RAB11FIP2: variants seen among roughly 807,000 people sequenced by gnomAD.
The protein encoded by RAB11FIP2 is rab11 family-interacting protein 2.
Under a neutral mutation model 40.9 loss-of-function variants are expected in RAB11FIP2, and 16 were observed. The ratio of observed to expected loss-of-function variants is 0.39; its 90% CI spans 0.26 to 0.59. RAB11FIP2 has a LOEUF of 0.59. RAB11FIP2 is among the 20% of genes least tolerant of loss of function. The pLI is 0.53. For missense variants in RAB11FIP2, 532 were observed against 606.2 expected (o/e 0.88, Z 1.28); for synonymous variants, 228 against 213.7 (o/e 1.07, Z -0.58).
At chr10:118,036,446 A>C (rs1356538267) in intron 3 of RAB11FIP2, among the ~76,000 whole-genome samples, 1 of 152,172 alleles carries the variant, frequency 6.6e-6, no homozygotes, top group Non-Finnish European at 1.5e-5. Context: ...GAGGGTTGAT[A>C]CTGGGAGGAA....
At chr10:118,027,654 A>G (rs1190741843) in intron 3 of RAB11FIP2, among the ~76,000 whole-genome samples, 4 of 152,188 alleles carry the variant, frequency 2.6e-5, no homozygotes, top group Admixed American at 2.6e-4. Context: ...AGCAGCAAAC[A>G]TACTTCCTCA....
intron 3 of RAB11FIP2, among the ~76,000 whole-genome samples, chr10:118,036,154 C>T (rs1159312314): frequency 2.6e-5 from 4 of 152,026 alleles, no homozygotes; most frequent in Admixed American, 6.6e-5. Flanking sequence ...ATACATTATT[C>T]AACCAGAGGG....
chr10:118,007,471 A>G lies in RAB11FIP2; in HGVS notation c.*1527T>C, dbSNP rs1002873286. 3 of 151,698 alleles carry G rather than the reference A, an allele frequency of 2.0e-5. No homozygotes were observed. The highest frequency in any genetic ancestry group is 2.9e-5 in the Non-Finnish European group (2 of 67,872). The allele number at this position is 151,698 out of a possible 1,614,324, so 9.4% of individuals were successfully genotyped here. ...GCAAAAAAAAAAAACCCAAACTATT[A>G]TATCGGCTTTTTGTTTAACTTTCAA... On this transcript the variant is annotated 3_prime_UTR_variant, in exon 5 of 5. Coordinates refer to ENST00000355624, the MANE Select transcript of RAB11FIP2 (RefSeq NM_014904.3).
At position 118,012,498 on chromosome 10, in the gene RAB11FIP2, T is replaced by A. The variant is rs184013114; in HGVS notation, c.1311+2567A>T. Among the ~76,000 whole-genome samples the A allele has an allele frequency of 9.4e-3, 1,424 of 151,524 alleles. 9 individuals carry two copies. The highest frequency in any genetic ancestry group is 0.017 in the Middle Eastern group (5 of 294). ...AATGTAAACCTTCTAATTTTAGGCA[T>A]GAGATTCTTAAATTGACTGATATAC... is the stretch of plus-strand genomic sequence containing the variant. On this transcript the variant is annotated intron_variant, in intron 4 of 4. Coordinates refer to ENST00000355624, the MANE Select transcript of RAB11FIP2 (RefSeq NM_014904.3).
rs139360341 is a variant in RAB11FIP2, at chr10:118,038,980, T to C, written c.1257A>G (p.Pro419=). The change falls in exon 3 of 5, where the codon CCA becomes CCG. Residue 419 remains proline, a synonymous_variant. Transcript: ENST00000355624. The part of the protein sequence containing the change: ...TAKFRASNIM[P]SSSFHMSPTS... ...CCCCATATTAAGCTTACCTTGAAGA[T>C]GGCATTATATTTGAAGCCCTGAATT... 2.4e-5 allele frequency: 38 copies of C among 1,585,908 alleles called. No homozygotes were observed. Among genetic ancestry groups the C allele is most frequent in the African/African-American group, 5.4e-5 (4 of 73,668 alleles).
At position 118,040,402 on chromosome 10, in the gene RAB11FIP2, C is replaced by G; in HGVS notation, c.517G>C (p.Gly173Arg). Reference protein sequence around the residue: ...PFAKLKDKMKGRKNDGTFSDT... With the variant: ...PFAKLKDKMKRRKNDGTFSDT... ...GAAAATGTTCCATCATTTTTTCTAC[C>G]CTTCATCTTATCTTTTAACTTTGCA... Residue 173 changes from glycine (G) to arginine (R), a missense_variant, in exon 2 of 5, where the codon GGT (glycine) becomes CGT (arginine). Transcript: ENST00000355624. 6.2e-7 allele frequency: 1 copy of G among 1,613,718 alleles called. No homozygotes were observed. The highest frequency in any genetic ancestry group is 8.5e-7 in the Non-Finnish European group (1 of 1,179,782).
intron 4 of RAB11FIP2, among the ~76,000 whole-genome samples, chr10:118,014,857 C>A (rs1472256379): frequency 6.6e-6 from 1 of 152,122 alleles, no homozygotes; most frequent in East Asian, 1.9e-4. Context: ...CTTGAACTTT[C>A]ATAGATCATA....
intron 3 of RAB11FIP2, among the ~76,000 whole-genome samples, chr10:118,016,161 T>C (rs180917417): frequency 7.9e-5 from 12 of 152,328 alleles, no homozygotes; most frequent in Admixed American, 3.3e-4. Context: ...GAGTTTCCCA[T>C]GTAACCAAGA....
At chr10:118,044,843 C>T (rs1846606317) in intron 1 of RAB11FIP2, among the ~76,000 whole-genome samples, 1 of 152,092 alleles carries the variant, frequency 6.6e-6, no homozygotes, top group Admixed American at 6.5e-5. Context: ...AACACCAACA[C>T]TATTTTGGAA....
chr10:118,017,004 T>C (rs1846228067), intron 3 of RAB11FIP2, among the ~76,000 whole-genome samples: 2 of 152,230 alleles, frequency 1.3e-5, no homozygotes, highest in Non-Finnish European at 2.9e-5. Context: ...TGCCAGATGC[T>C]ATTCTAAGCA....
At chr10:118,012,165 C>T (rs987227404) in intron 4 of RAB11FIP2, among the ~76,000 whole-genome samples, 6 of 151,764 alleles carry the variant, frequency 4.0e-5, no homozygotes, top group African/African-American at 1.4e-4. Context: ...TTATTTCAGA[C>T]TACTGGTCAT....
intron 3 of RAB11FIP2, among the ~76,000 whole-genome samples, chr10:118,035,357 T>C (rs750354463): frequency 6.6e-6 from 1 of 152,182 alleles, no homozygotes; most frequent in Non-Finnish European, 1.5e-5. Context: ...AGATTGAATA[T>C]TAAATTTTAG....
chr10:118,045,809 A>T lies in RAB11FIP2; in HGVS notation c.353+2T>A. On this transcript the variant is annotated splice_donor_variant, in intron 1 of 4. Coordinates refer to ENST00000355624, the MANE Select transcript of RAB11FIP2 (RefSeq NM_014904.3). LOFTEE classifies it high-confidence loss of function. ...AAATTCAAAATAAATTACATAACTT[A>T]CTCTGTTTTCCTTCTTTGTTTGTCC... 1 of 1,582,552 alleles carries T rather than the reference A, an allele frequency of 6.3e-7. No homozygotes were observed. The highest frequency in any genetic ancestry group is 8.6e-7 in the Non-Finnish European group (1 of 1,161,816).
At chr10:118,041,896 T>G (rs1846564066) in intron 1 of RAB11FIP2, among the ~76,000 whole-genome samples, 1 of 152,140 alleles carries the variant, frequency 6.6e-6, no homozygotes. Context: ...TAAAATACTA[T>G]TAGCCTGAGA....
rs5788283 is a variant in RAB11FIP2, at chr10:118,046,516, G to GC, written c.-354dup. On this transcript the variant is annotated 5_prime_UTR_variant, in exon 1 of 5. Transcript: ENST00000355624. The stretch of plus-strand genomic sequence containing the variant: ...GCGGAGGGCTGCGGGGGTGAAGGGA[G>GC]CCCCCGCCCCAATTCTGCACCCCTG... The GC allele has an allele frequency of 1, 187,124 of 187,144 alleles. 93,552 individuals carry two copies. The highest frequency in any genetic ancestry group is 1 in the Middle Eastern group (494 of 494). The allele number at this position is 187,144 out of a possible 1,614,324, so 11.6% of individuals were successfully genotyped here. A position where few individuals can be genotyped will look rare whatever the true frequency, so the allele number is the denominator to read the frequency against.
chr10:118,042,659 T>G (rs1192046939), intron 1 of RAB11FIP2, among the ~76,000 whole-genome samples: 1 of 152,164 alleles, frequency 6.6e-6, no homozygotes, highest in African/African-American at 2.4e-5. Context: ...TTTATTCAAT[T>G]TTTATTTCTA....
chr10:118,024,470 CGTGTGTGTGTGTGT>C (rs55723398), intron 3 of RAB11FIP2, among the ~76,000 whole-genome samples: 16 of 131,726 alleles, frequency 1.2e-4, no homozygotes, highest in Admixed American at 3.1e-4. Flanking sequence ...TCATCATCAT[CGTGTGTGTGTGTGT>C]GTGTGTGTGT....
chr10:118,033,156 A>G (rs984630820), intron 3 of RAB11FIP2, among the ~76,000 whole-genome samples: 5 of 152,090 alleles, frequency 3.3e-5, no homozygotes, highest in Non-Finnish European at 7.4e-5. Context: ...ATGTATCCCC[A>G]TAGAGTAGGA....
chr10:118,034,212 A>G (rs1417686440), intron 3 of RAB11FIP2, among the ~76,000 whole-genome samples: 1 of 152,128 alleles, frequency 6.6e-6, no homozygotes, highest in African/African-American at 2.4e-5. Context: ...TAGTTTGCCA[A>G]TCCCTGGTCC....
Sources: gnomAD v4.1 joint callset for allele counts (sites outside exome capture counted in the v4.1 genomes callset) on GRCh38, gnomAD v4.1.1 for gene constraint, MANE v1.5 for transcripts, NCBI Gene and HGNC (gene_info 2026-07-23, HGNC 2026-07-21) for gene names.